Variants in ZNF503 observed in about 807,000 individuals in gnomAD.
ZNF503 encodes the protein zinc finger protein 503.
A neutral mutation model predicts 34.4 loss-of-function variants in ZNF503; 15 were observed. The ratio of observed to expected loss-of-function variants is 0.44; its 90% CI spans 0.29 to 0.67. The LOEUF is 0.67. Among genes scored for constraint, ZNF503 ranks in the 30% least tolerant of loss-of-function variants. The probability of loss-of-function intolerance (pLI) is 0.13; values close to 1 mark genes in which losing one functional copy is unlikely to be tolerated. For missense variants in ZNF503, 1,007 were observed against 926.8 expected (o/e 1.09, Z -1.12); for synonymous variants, 580 against 456.8 (o/e 1.27, Z -3.44).
rs1049042705 is a variant in ZNF503 at position 75,401,614 on chromosome 10, C to A, written c.-195G>T. 1.5e-6 allele frequency: 1 copy of A among 670,910 alleles called. No homozygotes were observed. Among genetic ancestry groups the A allele is most frequent in the Non-Finnish European group, 2.5e-6 (1 of 405,166 alleles). 41.6% of individuals were successfully genotyped at this position (670,910 alleles called of 1,614,324 possible). On this transcript the variant is annotated 5_prime_UTR_variant, in exon 1 of 2. Coordinates refer to ENST00000372524, the MANE Select transcript of ZNF503 (RefSeq NM_032772.6). ...AATCCTGGGTGGCCCGCAGCGGAGCCGTGGCCGGGCTAGAGGAGCCGGCTG... is the reference window on the plus strand; with the variant it reads ...AATCCTGGGTGGCCCGCAGCGGAGCAGTGGCCGGGCTAGAGGAGCCGGCTG...
chr10:75,399,898 G>A lies in ZNF503; in HGVS notation c.792C>T (p.Gly264=), dbSNP rs1481767363. ...CGGCCGAGGCGCCCCCGGTGCCCTT[G>A]CCACCGCCGCCCACGTCGGTGTCTT... The part of the protein sequence containing the change: ...DKKDTDVGGG[G]KGTGGASAEG... Residue 264 remains glycine, a synonymous_variant, in exon 2 of 2, where the codon GGC becomes GGT. Coordinates refer to ENST00000372524, the MANE Select transcript of ZNF503 (RefSeq NM_032772.6). 6.2e-7 allele frequency: 1 copy of A among 1,602,488 alleles called. No individual in the cohort carries two copies.
the ZNF503 span, among the ~76,000 whole-genome samples, chr10:75,359,573 G>A: frequency 6.6e-6 from 1 of 152,174 alleles, no homozygotes; most frequent in African/African-American, 2.4e-5. Context: ...CCTCCTACAA[G>A]AGCAACCAGA....
chr10:75,311,194 A>C, the ZNF503 span, among the ~76,000 whole-genome samples: 2 of 152,208 alleles, frequency 1.3e-5, no homozygotes, highest in Non-Finnish European at 2.9e-5. Flanking sequence ...AGCATCCAAC[A>C]TGGGAGAAAG....
Position 75,398,403 on chromosome 10 carries a change from GT to G in ZNF503, c.*345del, listed in dbSNP as rs1403538884. On this transcript the variant is annotated 3_prime_UTR_variant, in exon 2 of 2. Coordinates refer to ENST00000372524, the MANE Select transcript of ZNF503 (RefSeq NM_032772.6). ...TAAATAATGCACTTTTGAACCACCG[GT>G]CCGCTTGGAGCTAACATAAATAAAT... 1 of 201,138 alleles carries G rather than the reference GT, an allele frequency of 5.0e-6. No individual in the cohort carries two copies. The highest frequency in any genetic ancestry group is 9.9e-6 in the Non-Finnish European group (1 of 101,126). The allele number at this position is 201,138 out of a possible 1,614,324, so 12.5% of individuals were successfully genotyped here. A position where few individuals can be genotyped will look rare whatever the true frequency, so the allele number is the denominator to read the frequency against.
the ZNF503 span, among the ~76,000 whole-genome samples, chr10:75,353,789 C>T: frequency 6.6e-6 from 1 of 152,184 alleles, no homozygotes; most frequent in African/African-American, 2.4e-5. Flanking sequence ...CAGATAACCC[C>T]TTGCTACCCC....
At chr10:75,281,385 A>C in the ZNF503 span, among the ~76,000 whole-genome samples, 1 of 152,090 alleles carries the variant, frequency 6.6e-6, no homozygotes, top group Non-Finnish European at 1.5e-5. Context: ...TGGCCTTTGT[A>C]ATCCTGTGGG....
At chr10:75,401,041 A>C (rs780303633) in intron 1 of ZNF503, 64 bp downstream of exon 1, 2 of 1,607,062 alleles carry the variant, frequency 1.2e-6, no homozygotes, top group Non-Finnish European at 1.7e-6. Context: ...TCCCGAGAAA[A>C]AGAAAGCCCT....
the ZNF503 span, among the ~76,000 whole-genome samples, chr10:75,370,059 AAAATAAATAAATAAATAAAT>A: frequency 2.8e-5 from 4 of 142,708 alleles, no homozygotes; most frequent in Admixed American, 1.4e-4. Context: ...ACTACATGTC[AAAATAAATAAATAAATAAAT>A]AAATAAATAA....
At chr10:75,293,453 CTCTTT>C in the ZNF503 span, among the ~76,000 whole-genome samples, 1 of 152,210 alleles carries the variant, frequency 6.6e-6, no homozygotes, top group Admixed American at 6.5e-5. Flanking sequence ...TCAGCAGATG[CTCTTT>C]TCTTCACACC....
the ZNF503 span, among the ~76,000 whole-genome samples, chr10:75,389,630 T>G: frequency 6.6e-6 from 1 of 152,104 alleles, no homozygotes; most frequent in Non-Finnish European, 1.5e-5. Flanking sequence ...CTCAGGAGGC[T>G]GAGGCAGGAG....
At chr10:75,383,399 C>T in the ZNF503 span, among the ~76,000 whole-genome samples, 2 of 152,134 alleles carry the variant, frequency 1.3e-5, no homozygotes, top group Non-Finnish European at 2.9e-5. Flanking sequence ...CCTGAGTTTC[C>T]CCCCACTTCT....
chr10:75,289,785 C>T, the ZNF503 span, among the ~76,000 whole-genome samples: 1 of 152,072 alleles, frequency 6.6e-6, no homozygotes, highest in Admixed American at 6.6e-5. Flanking sequence ...GGGCTATGCT[C>T]GAACTCCCAG....
chr10:75,380,246 G>A, the ZNF503 span, among the ~76,000 whole-genome samples: 2 of 152,190 alleles, frequency 1.3e-5, no homozygotes, highest in African/African-American at 4.8e-5. Context: ...TACCTAAGAG[G>A]TTTAGAGCGC....
In ZNF503 at chr10:75,399,135, C is replaced by T. The variant is rs766393096; in HGVS notation, c.1555G>A (p.Val519Met). 2 of 1,613,472 alleles carry T rather than the reference C, an allele frequency of 1.2e-6. No individual in the cohort carries two copies. The highest frequency in any genetic ancestry group is 1.3e-5 in the African/African-American group (1 of 74,916). Residue 519 changes from valine (V) to methionine (M), a missense_variant, in exon 2 of 2, where the codon GTG becomes ATG. Val to Met is a conservative substitution (Grantham distance 21, BLOSUM62 1). Transcript: ENST00000372524. Reference sequence around the variant, plus strand: ...TTGTCGCACGGCCCGTTGGCCGACACCCAGTTGCAGATGTGGGGGAGTGGG... The same window carrying T: ...TTGTCGCACGGCCCGTTGGCCGACATCCAGTTGCAGATGTGGGGGAGTGGG... ...NDPLPHICNW[V>M]SANGPCDKRF...
chr10:75,386,501 T>C, the ZNF503 span, among the ~76,000 whole-genome samples: 1 of 152,230 alleles, frequency 6.6e-6, no homozygotes, highest in Non-Finnish European at 1.5e-5. Flanking sequence ...ATTCACCAGG[T>C]AGAGTCCATT....
At chr10:75,375,583 C>A in the ZNF503 span, among the ~76,000 whole-genome samples, 1 of 152,172 alleles carries the variant, frequency 6.6e-6, no homozygotes, top group African/African-American at 2.4e-5. Context: ...GTGGCACAGT[C>A]TCAGCTCACT....
At chr10:75,364,003 T>G in the ZNF503 span, among the ~76,000 whole-genome samples, 1 of 152,218 alleles carries the variant, frequency 6.6e-6, no homozygotes, top group Non-Finnish European at 1.5e-5. Context: ...GGGTTTGTCT[T>G]TAGGTGCAAG....
the ZNF503 span, chr10:75,382,667 CA>C: frequency 5.7e-6 from 2 of 352,460 alleles, no homozygotes; most frequent in South Asian, 5.3e-5. Context: ...CTGAGTCCCC[CA>C]TTCTGCTGGA....
the ZNF503 span, among the ~76,000 whole-genome samples, chr10:75,345,495 CGTT>C: frequency 6.6e-6 from 1 of 151,400 alleles, no homozygotes; most frequent in African/African-American, 2.4e-5. Context: ...ATTAGCCAGG[CGTT>C]GTGGTGGGTG....
Sources: gnomAD v4.1 joint callset for allele counts (sites outside exome capture counted in the v4.1 genomes callset) on GRCh38, gnomAD v4.1.1 for gene constraint, MANE v1.5 for transcripts, NCBI Gene and HGNC (gene_info 2026-07-23, HGNC 2026-07-21) for gene names.